The following IMPG2 variants were observed in gnomAD, a reference collection of about 807,000 sequenced individuals.
IMPG2 encodes the protein IPM 200.
In IMPG2, 91 loss-of-function variants were observed where a neutral mutation model predicts 129.2. The ratio of observed to expected loss-of-function variants is 0.70; its 90% CI spans 0.59 to 0.84. The LOEUF is 0.84. IMPG2 is among the 40% of genes least tolerant of loss of function. IMPG2 has a pLI of 0.00. For missense variants in IMPG2, 1,430 were observed against 1,461.7 expected, an observed-to-expected ratio of 0.98 and a Z score of 0.35; for synonymous variants, 510 against 517.7, an observed-to-expected ratio of 0.99 and a Z score of 0.20.
chr3:101,276,053 T>G (rs1472883989), intron 5 of IMPG2, among the ~76,000 whole-genome samples: 1 of 152,106 alleles, frequency 6.6e-6, no homozygotes, highest in East Asian at 1.9e-4. Flanking sequence ...GGACACATAC[T>G]AAAAGAAGTA....
At chr3:101,281,506 T>C (rs1478855706) in intron 4 of IMPG2, among the ~76,000 whole-genome samples, 1 of 152,172 alleles carries the variant, frequency 6.6e-6, no homozygotes, top group African/African-American at 2.4e-5. Flanking sequence ...AAATAGGATA[T>C]AGCAGAGTAT....
intron 9 of IMPG2, among the ~76,000 whole-genome samples, 182 bp downstream of exon 9, chr3:101,267,329 T>C (rs1706730657): frequency 6.6e-6 from 1 of 152,112 alleles, no homozygotes; most frequent in Admixed American, 6.5e-5. Flanking sequence ...GCCTACAAAG[T>C]TTAAATTATT....
Position 101,291,459 on chromosome 3 carries a change from T to G in IMPG2, c.533+20A>C, listed in dbSNP as rs772627597. ...CATCTGTGTTGCCAAACATGAATTT[T>G]GGGAAAAAGAGACACTCACCTGCTT... On this transcript the variant is annotated intron_variant, in intron 4 of 18. Coordinates refer to ENST00000193391, the MANE Select transcript of IMPG2 (RefSeq NM_016247.4). 6.2e-7 allele frequency: 1 copy of G among 1,607,126 alleles called. No individual in the cohort carries two copies. The highest frequency in any genetic ancestry group is 8.5e-7 in the Non-Finnish European group (1 of 1,173,756).
intron 11 of IMPG2, among the ~76,000 whole-genome samples, chr3:101,247,461 G>A (rs893010443): frequency 1.3e-5 from 2 of 152,164 alleles, no homozygotes; most frequent in African/African-American, 4.8e-5. Context: ...GCTGGGTGTG[G>A]TGGCACATGC....
intron 3 of IMPG2, 40 bp downstream of exon 3, chr3:101,304,106 A>G (rs754695556): frequency 1.2e-6 from 2 of 1,607,132 alleles, no homozygotes; most frequent in Non-Finnish European, 1.7e-6. Context: ...AAATGCTCCT[A>G]CAATAGTCCA....
At chr3:101,289,105 A>T (rs544142392) in intron 4 of IMPG2, among the ~76,000 whole-genome samples, 17 of 152,318 alleles carry the variant, frequency 1.1e-4, no homozygotes, top group African/African-American at 4.1e-4. Flanking sequence ...TTATTCATTC[A>T]TCAGGATCCT....
intron 9 of IMPG2, among the ~76,000 whole-genome samples, chr3:101,259,444 C>T (rs348877): frequency 0.8 from 122,050 of 151,704 alleles, 49,138 homozygotes; most frequent in Admixed American, 0.83. Context: ...TACTTCTTTA[C>T]TTTAGCCTTC....
intron 14 of IMPG2, among the ~76,000 whole-genome samples, chr3:101,233,194 C>A (rs1158770364): frequency 6.6e-6 from 1 of 152,164 alleles, no homozygotes; most frequent in African/African-American, 2.4e-5. Flanking sequence ...TTTTGTGCAA[C>A]TCAGAGCCAA....
chr3:101,260,204 A>G (rs1706655102), intron 9 of IMPG2, among the ~76,000 whole-genome samples: 1 of 152,070 alleles, frequency 6.6e-6, no homozygotes, highest in Non-Finnish European at 1.5e-5. Flanking sequence ...CTGAGTGACT[A>G]CAATACTGTT....
At chr3:101,278,634 G>C (rs1706862328) in intron 4 of IMPG2, among the ~76,000 whole-genome samples, 1 of 152,024 alleles carries the variant, frequency 6.6e-6, no homozygotes, top group Non-Finnish European at 1.5e-5. Context: ...AGCTGGTATG[G>C]GAGGGTAAAT....
chr3:101,277,489 G>A (rs191146232), intron 4 of IMPG2, among the ~76,000 whole-genome samples: 1 of 152,302 alleles, frequency 6.6e-6, no homozygotes, highest in Admixed American at 6.5e-5. Flanking sequence ...TTACAGATGA[G>A]ACAAGTAGTA....
At chr3:101,281,701 A>G (rs1706894672) in intron 4 of IMPG2, among the ~76,000 whole-genome samples, 1 of 152,212 alleles carries the variant, frequency 6.6e-6, no homozygotes, top group Non-Finnish European at 1.5e-5. Flanking sequence ...TAAAATAGGC[A>G]GAGTATGCTG....
intron 4 of IMPG2, among the ~76,000 whole-genome samples, chr3:101,285,171 G>A (rs904152041): frequency 6.6e-6 from 1 of 152,192 alleles, no homozygotes; most frequent in Admixed American, 6.5e-5. Flanking sequence ...ATGTGTAAGG[G>A]ATGATGGTAG....
intron 3 of IMPG2, among the ~76,000 whole-genome samples, chr3:101,298,461 G>A (rs564604074): frequency 6.6e-6 from 1 of 152,196 alleles, no homozygotes; most frequent in South Asian, 2.1e-4. Flanking sequence ...GGTTATTTTT[G>A]CACACTAGTT....
In IMPG2 at chr3:101,257,550, C is replaced by A. The variant is rs764401367; in HGVS notation, c.1132G>T (p.Asp378Tyr). 6.2e-7 allele frequency: 1 copy of A among 1,613,336 alleles called. No homozygotes were observed. The highest frequency in any genetic ancestry group is 1.7e-5 in the Admixed American group (1 of 59,928). ...LGNSSLNPDP[D>Y]SLQLINVRGV... is the part of the protein sequence containing the mutation. The stretch of plus-strand genomic sequence containing the variant: ...TCACCATTGATAAGCTGCAGGGAAT[C>A]AGGATCTGGATTCAAGGAAGAGTTC... The change falls in exon 10 of 19, where the codon GAT (aspartate) becomes TAT (tyrosine). Residue 378 changes from aspartate (D) to tyrosine (Y), a missense_variant. Physicochemically the swap from Asp to Tyr is radical, Grantham distance 160. Transcript: ENST00000193391.
Position 101,242,820 on chromosome 3 carries a change from G to A in IMPG2, c.2890C>T (p.Arg964Ter), listed in dbSNP as rs267606875. Reference sequence around the variant, plus strand: ...GGGACAGAATTGGCAAACTTCATTCGACTGTTCACCACAATGCTGCCATTT... The same window carrying A: ...GGGACAGAATTGGCAAACTTCATTCAACTGTTCACCACAATGCTGCCATTT... Reference protein sequence around the residue: ...FRNGSIVVNSRMKFANSVPPN... With the variant: ...FRNGSIVVNS The change falls in exon 14 of 19, where the codon CGA becomes TGA. Residue 964 changes from arginine (R) to a stop codon, truncating the protein, a stop_gained. Coordinates refer to ENST00000193391, the MANE Select transcript of IMPG2 (RefSeq NM_016247.4). LOFTEE classifies it high-confidence loss of function. 8.7e-6 allele frequency: 14 copies of A among 1,613,838 alleles called. No individual in the cohort carries two copies. Among genetic ancestry groups the A allele is most frequent in the African/African-American group, 2.7e-5 (2 of 74,886 alleles).
chr3:101,297,046 G>A lies in IMPG2; in HGVS notation c.502-5536C>T, dbSNP rs1473034184. Among the ~76,000 whole-genome samples the A allele has an allele frequency of 5.9e-5, 9 of 152,130 alleles. No homozygotes were observed. In the East Asian group the frequency reaches 1.7e-3, roughly 29 times the overall value. On this transcript the variant is annotated intron_variant, in intron 3 of 18. Coordinates refer to ENST00000193391, the MANE Select transcript of IMPG2 (RefSeq NM_016247.4). ...GCCTCCCGAGTAGCTGGGACTACAG[G>A]CGCCAGGCGCCAGCCACCACGCCTG... is the stretch of plus-strand genomic sequence containing the variant.
intron 4 of IMPG2, among the ~76,000 whole-genome samples, chr3:101,289,761 G>A (rs1706985401): frequency 6.6e-6 from 1 of 151,916 alleles, no homozygotes; most frequent in African/African-American, 2.4e-5. Flanking sequence ...CCAGGGTGGA[G>A]AGGAGGGCTC....
chr3:101,237,597 C>A (rs1449332433), intron 14 of IMPG2, among the ~76,000 whole-genome samples: 1 of 152,154 alleles, frequency 6.6e-6, no homozygotes, highest in Non-Finnish European at 1.5e-5. Context: ...GGACCTCCAG[C>A]AAGCTCCAGC....
Sources: allele counts gnomAD v4.1 joint callset (sites outside exome capture counted in the v4.1 genomes callset), GRCh38; gene constraint gnomAD v4.1.1; transcripts MANE v1.5; gene names NCBI Gene and HGNC (gene_info 2026-07-23, HGNC 2026-07-21).